The following G3BP2 variants were observed in gnomAD, a reference collection of about 807,000 sequenced individuals.
G3BP2 encodes the protein G3BP stress granule assembly factor 2.
G3BP2 carries 11 observed loss-of-function variants against 56.7 expected under a neutral mutation model. The ratio of observed to expected loss-of-function variants is 0.19; its 90% CI spans 0.12 to 0.32. The LOEUF (loss-of-function observed/expected upper bound fraction) is 0.32, where lower values mean the gene tolerates loss of function less well. Among genes scored for constraint, G3BP2 ranks in the 10% least tolerant of loss-of-function variants. G3BP2 has a pLI of 1.00. For missense variants in G3BP2, 340 were observed against 610.9 expected (o/e 0.56, Z 4.67); for synonymous variants, 165 against 191.6 (o/e 0.86, Z 1.15).
At chr4:75,703,598 T>C (rs1181952260) in intron 3 of G3BP2, among the ~76,000 whole-genome samples, 1 of 152,104 alleles carries the variant, frequency 6.6e-6, no homozygotes, top group Non-Finnish European at 1.5e-5. Flanking sequence ...CTCTTGAGGA[T>C]TGAGGTCCCC....
At chr4:75,674,545 A>C (rs1390372335), upstream of G3BP2, among the ~76,000 whole-genome samples, 1 of 151,826 alleles carries the variant, frequency 6.6e-6, no homozygotes, top group Non-Finnish European at 1.5e-5. Flanking sequence ...ACTTTAATGA[A>C]ATCAACCTGA....
intron 1 of G3BP2, 114 bp downstream of exon 1, chr4:75,673,094 A>G (rs1733631944): frequency 9.6e-7 from 1 of 1,042,680 alleles, no homozygotes; most frequent in African/African-American, 1.7e-5. Context: ...CTCTGCCGCT[A>G]CACCTCCGGC....
intron 2 of G3BP2, among the ~76,000 whole-genome samples, chr4:75,659,872 C>T (rs1560619018): frequency 6.6e-6 from 1 of 152,176 alleles, no homozygotes; most frequent in Non-Finnish European, 1.5e-5. Flanking sequence ...CTCTCATGTA[C>T]TACTGGCAAT....
chr4:75,675,811 C>G (rs1733855413), upstream of G3BP2, among the ~76,000 whole-genome samples: 1 of 152,130 alleles, frequency 6.6e-6, no homozygotes, highest in African/African-American at 2.4e-5. Context: ...ACAAACACCA[C>G]TGATCTAGGG....
At chr4:75,674,939 T>C (rs1160485781), upstream of G3BP2, among the ~76,000 whole-genome samples, 11 of 151,868 alleles carry the variant, frequency 7.2e-5, no homozygotes, top group Non-Finnish European at 1.5e-5. Context: ...GCCAGGCTGG[T>C]CTCGAACACA....
At chr4:75,647,822 A>G (rs1479059956) in intron 9 of G3BP2, among the ~76,000 whole-genome samples, 1 of 152,208 alleles carries the variant, frequency 6.6e-6, no homozygotes, top group Non-Finnish European at 1.5e-5. Context: ...AAAAATTCAC[A>G]TTGTAAATGT....
chr4:75,707,011 G>GGA (rs1719571243), intron 3 of G3BP2, among the ~76,000 whole-genome samples: 2 of 151,484 alleles, frequency 1.3e-5, no homozygotes, highest in South Asian at 4.2e-4. Context: ...TGACCAACAT[G>GGA]GAGAAACCCT....
At chr4:75,694,904 A>C (rs1438367137) in intron 3 of G3BP2, 14 of 985,500 alleles carry the variant, frequency 1.4e-5, no homozygotes, top group Non-Finnish European at 1.6e-5. Flanking sequence ...AGATTTGGAC[A>C]GGAAGCGATA....
chr4:75,698,772 C>T (rs190457861), intron 3 of G3BP2, among the ~76,000 whole-genome samples: 6 of 152,210 alleles, frequency 3.9e-5, no homozygotes, highest in Non-Finnish European at 8.8e-5. Context: ...GACATGATCA[C>T]GGCTCACTGA....
chr4:75,666,801 T>G (rs1423675941), intron 1 of G3BP2, among the ~76,000 whole-genome samples: 2 of 152,206 alleles, frequency 1.3e-5, no homozygotes, highest in African/African-American at 4.8e-5. Flanking sequence ...AATCCATTTC[T>G]AGATCTGGGA....
In G3BP2 at chr4:75,644,759, C is replaced by A. The variant is rs930659506; in HGVS notation, c.*671G>T. 1 of 152,606 alleles carries A rather than the reference C, an allele frequency of 6.6e-6. No homozygotes were observed. Among genetic ancestry groups the A allele is most frequent in the Admixed American group, 6.5e-5 (1 of 15,284 alleles). 9.5% of individuals were successfully genotyped at this position (152,606 alleles called of 1,614,324 possible). On this transcript the variant is annotated 3_prime_UTR_variant, in exon 12 of 12. Transcript: ENST00000359707. ...AAGTTCTAATTTTTATTATTTAGTT[C>A]ATAACTAAAATGATTTCCTTCTGGA...
chr4:75,698,890 C>T (rs1719224864), intron 3 of G3BP2, among the ~76,000 whole-genome samples: 2 of 152,090 alleles, frequency 1.3e-5, no homozygotes. Flanking sequence ...AGATGGGGGT[C>T]TCACTATGTT....
chr4:75,660,503 C>CT (rs1236195779), intron 2 of G3BP2, among the ~76,000 whole-genome samples: 1 of 152,052 alleles, frequency 6.6e-6, no homozygotes, highest in Non-Finnish European at 1.5e-5. Context: ...CCTCAACTGT[C>CT]TAATAGGTAG....
chr4:75,673,506 C>T (rs953277276), upstream of G3BP2: 25 of 1,232,166 alleles, frequency 2.0e-5, no homozygotes, highest in African/African-American at 3.7e-4. Flanking sequence ...TCACGCATCT[C>T]CTCCAGAGCC....
intron 9 of G3BP2, 66 bp downstream of exon 9, chr4:75,648,573 T>C (rs1731420000): frequency 1.2e-6 from 1 of 836,300 alleles, no homozygotes; most frequent in South Asian, 1.5e-5. Flanking sequence ...TAGTTTTTTG[T>C]TTAAGTTCAG....
chr4:75,659,809 T>C (rs886182835), intron 2 of G3BP2, among the ~76,000 whole-genome samples: 1 of 152,186 alleles, frequency 6.6e-6, no homozygotes, highest in African/African-American at 2.4e-5. Context: ...ACCTAGTCAG[T>C]CTAACTTGAG....
chr4:75,680,275 G>C (rs184100834), intron 3 of G3BP2, among the ~76,000 whole-genome samples: 2 of 152,014 alleles, frequency 1.3e-5, no homozygotes, highest in African/African-American at 2.4e-5. Flanking sequence ...TCCTTCTGAG[G>C]GGGGATAGGA....
chr4:75,655,676 CAAG>C, intron 6 of G3BP2, 89 bp downstream of exon 6: 3 of 716,978 alleles, frequency 4.2e-6, no homozygotes, highest in Non-Finnish European at 7.5e-6. Flanking sequence ...GTGGTTTTAT[CAAG>C]AATTTACTTT....
chr4:75,662,244 C>T (rs13103092), intron 1 of G3BP2, 195 bp from the exon 2 acceptor site: 123,220 of 350,870 alleles, frequency 0.35, 25,362 homozygotes, highest in East Asian at 0.78. Flanking sequence ...TTTTTTGAGA[C>T]GGAGTTTCAC....
Sources: gnomAD v4.1 joint callset for allele counts (sites outside exome capture counted in the v4.1 genomes callset) on GRCh38, gnomAD v4.1.1 for gene constraint, MANE v1.5 for transcripts, NCBI Gene and HGNC (gene_info 2026-07-23, HGNC 2026-07-21) for gene names.